The following ICAM3 variants were observed in gnomAD, a reference collection of about 807,000 sequenced individuals.
The protein encoded by ICAM3 is intercellular adhesion molecule 3, also known as ICAM-3.
In ICAM3, 54 loss-of-function variants were observed where a neutral mutation model predicts 43.6. The observed-to-expected ratio is 1.24, with a 90% CI of 0.99 to 1.55. The LOEUF (loss-of-function observed/expected upper bound fraction) is 1.55, where lower values mean the gene tolerates loss of function less well. Among genes scored for constraint, ICAM3 ranks in the 40% most tolerant of loss-of-function variants. The pLI is 0.00. For synonymous variants in ICAM3, 306 were observed against 312.6 expected, an observed-to-expected ratio of 0.98 and a Z score of 0.22; for missense variants, 715 against 717.9, an observed-to-expected ratio of 1.00 and a Z score of 0.05.
At chr19:10,336,513 G>A (rs189396547) in intron 2 of ICAM3, among the ~76,000 whole-genome samples, 1 of 151,994 alleles carries the variant, frequency 6.6e-6, no homozygotes, top group African/African-American at 2.4e-5. Flanking sequence ...CCTACAAAAC[G>A]CTGGGCCTCA....
At chr19:10,339,464 CGTTCTATTCCTCT>C in intron 1 of ICAM3, 62 bp downstream of exon 1, 3 of 1,239,614 alleles carry the variant, frequency 2.4e-6, no homozygotes, top group Non-Finnish European at 3.5e-6. Flanking sequence ...AACAGCGTTG[CGTTCTATTCCTCT>C]ACCCTCTACT....
In ICAM3 at chr19:10,335,167, G is replaced by C; in HGVS notation, c.836C>G (p.Thr279Arg). ...NHGDTLTATA[T>R]ATARADQEGA... Reference sequence around the variant, plus strand: ...CTCCTGATCCGCGCGCGCCGTGGCTGTGGCTGTGGCCGTTAGCGTGTCCCC... The same window carrying C: ...CTCCTGATCCGCGCGCGCCGTGGCTCTGGCTGTGGCCGTTAGCGTGTCCCC... The change falls in exon 4 of 7, where the codon ACA becomes AGA. Residue 279 changes from threonine (T) to arginine (R), a missense_variant. Coordinates refer to ENST00000160262, the MANE Select transcript of ICAM3 (RefSeq NM_002162.5). The C allele has an allele frequency of 6.2e-7, 1 of 1,613,428 alleles. No homozygotes were observed. The highest frequency in any genetic ancestry group is 8.5e-7 in the Non-Finnish European group (1 of 1,180,006).
At chr19:10,336,886 G>C (rs999522224) in intron 2 of ICAM3, among the ~76,000 whole-genome samples, 3 of 151,142 alleles carry the variant, frequency 2.0e-5, no homozygotes, top group African/African-American at 7.3e-5. Flanking sequence ...GAGGGAGGCG[G>C]ATCACTTGAG....
intron 2 of ICAM3, among the ~76,000 whole-genome samples, chr19:10,337,983 A>G (rs2040616299): frequency 6.7e-6 from 1 of 149,988 alleles, no homozygotes; most frequent in East Asian, 2.0e-4. Context: ...CCCCGTCTCT[A>G]CTAAAAATAC....
chr19:10,337,427 A>AAAAAG (rs1332709988), intron 2 of ICAM3, among the ~76,000 whole-genome samples: 2 of 147,058 alleles, frequency 1.4e-5, no homozygotes, highest in East Asian at 2.0e-4. Flanking sequence ...AAAAAAAAAA[A>AAAAAG]AAAAGAAAAG....
chr19:10,338,070 C>A (rs2040616806), intron 2 of ICAM3, among the ~76,000 whole-genome samples: 1 of 146,682 alleles, frequency 6.8e-6, no homozygotes, highest in African/African-American at 2.5e-5. Context: ...GCACTCCAGC[C>A]TGGGCTACAG....
Position 10,334,222 on chromosome 19 carries a change from T to A in ICAM3, c.1379A>T (p.Tyr460Phe), listed in dbSNP as rs371074998. Residue 460 changes from tyrosine (Y) to phenylalanine (F), a missense_variant, in exon 6 of 7, where the codon TAT becomes TTT. Coordinates refer to ENST00000160262, the MANE Select transcript of ICAM3 (RefSeq NM_002162.5). The surrounding 1 kb of genome is among the most constrained non-coding windows in gnomAD (Gnocchi z 5.5). ...FFVNVTHNGTYQCQASSSRGK... is the reference protein window; with the variant it reads ...FFVNVTHNGTFQCQASSSRGK... ...TCGTGAGCTGGACGCTTGGCACTGA[T>A]AAGTACCATTATGTGTTACGTTGAC... The A allele has an allele frequency of 1.2e-6, 2 of 1,614,042 alleles. No homozygotes were observed. The highest frequency in any genetic ancestry group is 1.7e-6 in the Non-Finnish European group (2 of 1,179,988).
chr19:10,333,809 C>T lies in ICAM3; in HGVS notation c.*48G>A. 1 of 1,581,872 alleles carries T rather than the reference C, an allele frequency of 6.3e-7. No homozygotes were observed. The highest frequency in any genetic ancestry group is 8.7e-7 in the Non-Finnish European group (1 of 1,152,006). On this transcript the variant is annotated 3_prime_UTR_variant, in exon 7 of 7. Transcript: ENST00000160262. The surrounding 1 kb of genome is among the most constrained non-coding windows in gnomAD (Gnocchi z 4.2). The stretch of plus-strand genomic sequence containing the variant: ...TTTGAAGGCTTTATTGGTGCGGAAT[C>T]TGAGGGCACAGCCAAGCCCCCGCCA...
Position 10,334,565 on chromosome 19 carries a change from G to A in ICAM3, c.1155C>T (p.Phe385=). 1 of 1,613,448 alleles carries A rather than the reference G, an allele frequency of 6.2e-7. No homozygotes were observed. The change falls in exon 5 of 7, where the codon TTC becomes TTT. Residue 385 remains phenylalanine (F), a synonymous_variant. Transcript: ENST00000160262. The surrounding 1 kb of genome is among the most constrained non-coding windows in gnomAD (Gnocchi z 5.5). ...CSATLEVDGE[F]LHRNSSVQLR... ...GCTGGACGCTACTGTTCCTGTGCAAGAACTCGCCGTCCACCTCGAGAGTGG... is the reference window on the plus strand; with the variant it reads ...GCTGGACGCTACTGTTCCTGTGCAAAAACTCGCCGTCCACCTCGAGAGTGG...
In ICAM3 at chr19:10,334,919, C is replaced by G; in HGVS notation, c.938-137G>C. On this transcript the variant is annotated intron_variant, in intron 4 of 6. Transcript: ENST00000160262. The surrounding 1 kb of genome is among the most constrained non-coding windows in gnomAD (Gnocchi z 5.5). The stretch of plus-strand genomic sequence containing the variant: ...GTTCAAGCCTCGCCCTCTTTCCGCG[C>G]TGTGTCCAGCTTCGGGCACTCAGGC... The G allele has an allele frequency of 2.1e-6, 3 of 1,444,090 alleles. No homozygotes were observed. Among genetic ancestry groups the G allele is most frequent in the South Asian group, 1.4e-5 (1 of 73,652 alleles). The allele number at this position is 1,444,090 out of a possible 1,614,324, so 89.5% of individuals were successfully genotyped here. A position where few individuals can be genotyped will look rare whatever the true frequency, so the allele number is the denominator to read the frequency against.
chr19:10,334,077 T>TA lies in ICAM3; in HGVS notation c.1442-19dup, dbSNP rs2040553043. 1.2e-6 allele frequency: 2 copies of TA among 1,613,248 alleles called. No individual in the cohort carries two copies. The highest frequency in any genetic ancestry group is 1.7e-5 in the Admixed American group (1 of 59,962). On this transcript the variant is annotated intron_variant, in intron 6 of 6. Transcript: ENST00000160262. The surrounding 1 kb of genome is among the most constrained non-coding windows in gnomAD (Gnocchi z 5.5). ...GCTCCCAGCTGTGCAGAGAAAGCGC[T>TA]AAGTCAATATGCGTCCCTTCTGTCT...
At chr19:10,337,589 A>C (rs2040612676) in intron 2 of ICAM3, among the ~76,000 whole-genome samples, 1 of 151,922 alleles carries the variant, frequency 6.6e-6, no homozygotes, top group African/African-American at 2.4e-5. Context: ...GTAAATGTAA[A>C]ACCTCCATTT....
At position 10,339,523 on chromosome 19, in the gene ICAM3, G is replaced by A; in HGVS notation, c.76+16C>T. ...ACGCAGCCCTCTCCAGCCCTCCCCG[G>A]CTTGACTGGTCTCACCTGGGGTCAG... On this transcript the variant is annotated intron_variant, in intron 1 of 6. Transcript: ENST00000160262. 1 of 1,612,580 alleles carries A rather than the reference G, an allele frequency of 6.2e-7. No individual in the cohort carries two copies. The highest frequency in any genetic ancestry group is 8.5e-7 in the Non-Finnish European group (1 of 1,179,022).
intron 1 of ICAM3, chr19:10,339,191 G>T (rs775186289): frequency 3.4e-6 from 2 of 593,398 alleles, no homozygotes; most frequent in South Asian, 4.1e-5. Context: ...GGGGACCATT[G>T]CAGCCCGAAA....
rs373075234 is a variant in ICAM3, at chr19:10,334,371, G to A, written c.1230C>T (p.His410=). 310 of 1,614,200 alleles carry A rather than the reference G, an allele frequency of 1.9e-4. 4 individuals are homozygous for A. In the South Asian group the frequency reaches 3.2e-3, roughly 17 times the overall value. The change falls in exon 6 of 7, where the codon CAC becomes CAT. Residue 410 remains histidine (H), a synonymous_variant. Coordinates refer to ENST00000160262, the MANE Select transcript of ICAM3 (RefSeq NM_002162.5). The surrounding 1 kb of genome is among the most constrained non-coding windows in gnomAD (Gnocchi z 5.5). ...PKIDRATCPQ[H]LKWKDKTRHV... Reference sequence around the variant, plus strand: ...GTCTCGTTTTATCTTTCCATTTCAAGTGCTGGGGGCATGTGGCTCGGTCAA... The same window carrying A: ...GTCTCGTTTTATCTTTCCATTTCAAATGCTGGGGGCATGTGGCTCGGTCAA...
Position 10,334,655 on chromosome 19 carries a change from C to T in ICAM3, c.1065G>A (p.Gly355=), listed in dbSNP as rs1568316630. 1 of 1,613,386 alleles carries T rather than the reference C, an allele frequency of 6.2e-7. No individual in the cohort carries two copies. Among genetic ancestry groups the T allele is most frequent in the South Asian group, 1.1e-5 (1 of 91,082 alleles). Residue 355 remains glycine (G), a synonymous_variant, in exon 5 of 7, where the codon GGG becomes GGA. Coordinates refer to ENST00000160262, the MANE Select transcript of ICAM3 (RefSeq NM_002162.5). This position sits in a 1 kb window ranked among gnomAD's most constrained non-coding sequence, Gnocchi z 5.5. The part of the protein sequence containing the change: ...TLDGVPAAAP[G]QPAQLQLNAT... ...CATTTAGCTGAAGTTGAGCTGGCTG[C>T]CCCGGGGCCGCGGCCGGAACTCCGT...
chr19:10,338,732 A>G lies in ICAM3; in HGVS notation c.293T>C (p.Val98Ala), dbSNP rs374056612. ...VTGNSRILCSVYCNGSQITGS... is the reference protein window; with the variant it reads ...VTGNSRILCSAYCNGSQITGS... ...TGTTATCTGAGAGCCATTGCAGTAC[A>G]CTGAGCAGAGGATCCGACTGTTGCC... The change falls in exon 2 of 7, where the codon GTG becomes GCG. Residue 98 changes from valine (V) to alanine (A), a missense_variant. Physicochemically the swap from Val to Ala is moderately conservative, Grantham distance 64. Transcript: ENST00000160262. 6.2e-7 allele frequency: 1 copy of G among 1,614,168 alleles called. No homozygotes were observed. The highest frequency in any genetic ancestry group is 8.5e-7 in the Non-Finnish European group (1 of 1,180,014).
In ICAM3 at chr19:10,339,341, G is replaced by A. The variant is rs2040632200; in HGVS notation, c.76+198C>T. 8.4e-6 allele frequency: 5 copies of A among 594,230 alleles called. No homozygotes were observed. In the East Asian group the frequency reaches 1.4e-4, roughly 17 times the overall value. The allele number at this position is 594,230 out of a possible 1,614,324, so 36.8% of individuals were successfully genotyped here. On this transcript the variant is annotated intron_variant, in intron 1 of 6. Coordinates refer to ENST00000160262, the MANE Select transcript of ICAM3 (RefSeq NM_002162.5). ...GTGTGTGTGTGTGTTAGGGGAGAGG[G>A]ATGGCGTACAAGCCTATGCTGGGGC...
chr19:10,335,858 C>G lies in ICAM3; in HGVS notation c.462G>C (p.Leu154=), dbSNP rs777328921. 1.2e-6 allele frequency: 2 copies of G among 1,610,256 alleles called. No homozygotes were observed. The highest frequency in any genetic ancestry group is 1.1e-5 in the South Asian group (1 of 90,886). The part of the protein sequence containing the change: ...GSPRTSLTVV[L]LRWEEELSRQ... ...GGCTCAGCTCCTCCTCCCAGCGAAGCAGCACCACCGTGAGGCTGGTCCGGG... is the reference window on the plus strand; with the variant it reads ...GGCTCAGCTCCTCCTCCCAGCGAAGGAGCACCACCGTGAGGCTGGTCCGGG... Residue 154 remains leucine, a synonymous_variant, in exon 3 of 7, where the codon CTG becomes CTC. Coordinates refer to ENST00000160262, the MANE Select transcript of ICAM3 (RefSeq NM_002162.5).
Sources: gnomAD v4.1 joint callset for allele counts (sites outside exome capture counted in the v4.1 genomes callset) on GRCh38, gnomAD v4.1.1 for gene constraint, Gnocchi (gnomAD v3.1) non-coding constraint, MANE v1.5 for transcripts, NCBI Gene and HGNC (gene_info 2026-07-23, HGNC 2026-07-21) for gene names.